P2RY8: variants seen among roughly 807,000 people sequenced by gnomAD.
P2RY8 encodes the protein P2Y receptor family member 8, also known as S-geranylgeranyl-glutathione receptor P2RY8.
Under a neutral mutation model 10.0 loss-of-function variants are expected in P2RY8, and 6 were observed. The observed-to-expected ratio is 0.60, with a 90% CI of 0.33 to 1.19. The LOEUF (loss-of-function observed/expected upper bound fraction) is 1.19. P2RY8 is among the 50% of genes most tolerant of loss of function. The pLI, the probability that P2RY8 is intolerant of heterozygous loss-of-function variation, is 0.04. For synonymous variants in P2RY8, 276 were observed against 252.5 expected, an observed-to-expected ratio of 1.09 and a Z score of -0.88; for missense variants, 456 against 542.0, an observed-to-expected ratio of 0.84 and a Z score of 1.58.
chrX:1,464,988 G>A lies in P2RY8; in HGVS notation c.*491C>T, dbSNP rs1262988091. The A allele has an allele frequency of 2.2e-4, 55 of 245,730 alleles. No homozygotes were observed. In the Admixed American group the frequency reaches 2.5e-3, roughly 11 times the overall value. 15.2% of individuals were successfully genotyped at this position (245,730 alleles called of 1,614,324 possible). The stretch of plus-strand genomic sequence containing the variant: ...GCCAGAACCACAACTAAGGGACGAT[G>A]TCAGCAGGGAGAAGAGCTGGGAATG... On this transcript the variant is annotated 3_prime_UTR_variant, in exon 2 of 2. Transcript: ENST00000381297.
intron 1 of P2RY8, among the ~76,000 whole-genome samples, chrX:1,478,941 A>C (rs1294109910): frequency 6.6e-6 from 1 of 151,992 alleles, no homozygotes; most frequent in Non-Finnish European, 1.5e-5. Context: ...AACTTATCCT[A>C]ATAAAACCGG....
chrX:1,482,765 C>A (rs1440216225), intron 1 of P2RY8, among the ~76,000 whole-genome samples: 1 of 151,990 alleles, frequency 6.6e-6, no homozygotes, highest in Non-Finnish European at 1.5e-5. Context: ...ATGCAGCCAT[C>A]AAAAATGATG....
chrX:1,466,099 C>G lies in P2RY8; in HGVS notation c.460G>C (p.Ala154Pro). ...CAGTWLLLLT[A>P]LSPLARTDLT... ...TCGGTGCGCGCCAGCGGGGACAGGG[C>G]GGTCAGGAGCAGCAGCCAGGTCCCT... Residue 154 changes from alanine to proline, a missense_variant, in exon 2 of 2, where the codon GCC becomes CCC. By Grantham distance (27) the Ala-to-Pro change is conservative. Coordinates refer to ENST00000381297, the MANE Select transcript of P2RY8 (RefSeq NM_178129.5). The G allele has an allele frequency of 6.2e-7, 1 of 1,611,570 alleles. No homozygotes were observed. Among genetic ancestry groups the G allele is most frequent in the Non-Finnish European group, 8.5e-7 (1 of 1,179,584 alleles).
chrX:1,525,393 C>T (rs1303335834), intron 1 of P2RY8, among the ~76,000 whole-genome samples: 9 of 152,138 alleles, frequency 5.9e-5, no homozygotes, highest in Non-Finnish European at 1.2e-4. Context: ...GACTGGGACG[C>T]AGACATGCAC....
At chrX:1,502,425 G>A (rs150180794) in intron 1 of P2RY8, among the ~76,000 whole-genome samples, 3,336 of 152,152 alleles carry the variant, frequency 0.022, 33 homozygotes, top group Middle Eastern at 0.048. Flanking sequence ...ACAGGACCCC[G>A]CTGCGAGCCA....
At chrX:1,504,040 G>A (rs1461984752) in intron 1 of P2RY8, among the ~76,000 whole-genome samples, 6 of 151,612 alleles carry the variant, frequency 4.0e-5, no homozygotes, top group African/African-American at 1.5e-4. Context: ...GAATTCTGCT[G>A]GACGTGGTGG....
At chrX:1,482,229 A>T (rs2091943079) in intron 1 of P2RY8, among the ~76,000 whole-genome samples, 1 of 146,982 alleles carries the variant, frequency 6.8e-6, no homozygotes. Context: ...AATCGGCCTC[A>T]CTCTGGAAGG....
intron 1 of P2RY8, among the ~76,000 whole-genome samples, chrX:1,492,144 TC>T (rs2092058775): frequency 6.6e-6 from 1 of 151,954 alleles, no homozygotes; most frequent in Non-Finnish European, 1.5e-5. Context: ...AGGGGTGTGG[TC>T]CAAGCCTTTC....
Position 1,464,922 on chromosome X carries a change from C to G in P2RY8, c.*557G>C. On this transcript the variant is annotated 3_prime_UTR_variant, in exon 2 of 2. Transcript: ENST00000381297. ...AATAAACAGAAATTTCGGCGTGCAC[C>G]GGGCTACGGAGACCAGAACCCCTGG... The G allele has an allele frequency of 4.3e-6, 1 of 234,852 alleles. No individual in the cohort carries two copies. 14.5% of individuals were successfully genotyped at this position (234,852 alleles called of 1,614,324 possible). A position where few individuals can be genotyped will look rare whatever the true frequency, so the allele number is the denominator to read the frequency against.
chrX:1,496,305 C>A (rs1458014716), intron 1 of P2RY8, among the ~76,000 whole-genome samples: 2 of 152,190 alleles, frequency 1.3e-5, no homozygotes, highest in East Asian at 3.9e-4. Flanking sequence ...CCCCCGCCAG[C>A]TTCTCAGTAG....
intron 1 of P2RY8, among the ~76,000 whole-genome samples, chrX:1,527,161 C>T (rs2092444789): frequency 6.6e-6 from 1 of 152,196 alleles, no homozygotes; most frequent in Non-Finnish European, 1.5e-5. Flanking sequence ...TCCCAAAGTG[C>T]TGGGATTACA....
chrX:1,523,922 C>A (rs1327692141), intron 1 of P2RY8, among the ~76,000 whole-genome samples: 1 of 152,166 alleles, frequency 6.6e-6, no homozygotes, highest in African/African-American at 2.4e-5. Flanking sequence ...AACTCCTGAC[C>A]TCAAGTGACC....
At chrX:1,523,625 C>T (rs28477201) in intron 1 of P2RY8, among the ~76,000 whole-genome samples, 6,179 of 152,150 alleles carry the variant, frequency 0.041, 175 homozygotes, top group Non-Finnish European at 0.064. Context: ...GATGATTGTA[C>T]AACACTCTGA....
At chrX:1,535,710 CACACAGACACACACACAG>C (rs1388333449) in intron 1 of P2RY8, among the ~76,000 whole-genome samples, 1 of 145,256 alleles carries the variant, frequency 6.9e-6, no homozygotes, top group Non-Finnish European at 1.5e-5. Flanking sequence ...CACACACACA[CACACAGACACACACACAG>C]ACACACACAC....
rs762651350 is a variant in P2RY8, at chrX:1,473,530, T to C, written c.-24-6948A>G. Among the ~76,000 whole-genome samples the C allele has an allele frequency of 3.8e-4, 13 of 34,402 alleles. 1 individual carries two copies. The South Asian group carries it at 0.022, about 57-fold the overall frequency. The allele number at this position is 34,402 out of a possible 152,430, so 22.6% of individuals were successfully genotyped here. On this transcript the variant is annotated intron_variant, in intron 1 of 1. Coordinates refer to ENST00000381297, the MANE Select transcript of P2RY8 (RefSeq NM_178129.5). The stretch of plus-strand genomic sequence containing the variant: ...ATGGATGGATGCATGGATGGGTGGA[T>C]GGATGGGTGGGTGGGTGGATGAATG...
intron 1 of P2RY8, among the ~76,000 whole-genome samples, chrX:1,532,139 C>T (rs1431860310): frequency 6.6e-6 from 1 of 152,012 alleles, no homozygotes; most frequent in African/African-American, 2.4e-5. Context: ...AAGATACTTG[C>T]ACAGGCATGT....
Position 1,522,634 on chromosome X carries a change from C to T in P2RY8, c.-25+14287G>A, listed in dbSNP as rs1488046316. 3.6e-4 allele frequency among the ~76,000 whole-genome samples: 54 copies of T among 152,048 alleles called. 1 individual carries two copies. Among genetic ancestry groups the T allele is most frequent in the South Asian group, 1.0e-3 (5 of 4,806 alleles). On this transcript the variant is annotated intron_variant, in intron 1 of 1. Coordinates refer to ENST00000381297, the MANE Select transcript of P2RY8 (RefSeq NM_178129.5). The stretch of plus-strand genomic sequence containing the variant: ...TAGCAAGACACTTTCATTAGCCGGG[C>T]GTGGTCAGTGCCTGTAATCCCAGCT...
chrX:1,500,121 G>C (rs1424205518), intron 1 of P2RY8, among the ~76,000 whole-genome samples: 2 of 151,052 alleles, frequency 1.3e-5, no homozygotes, highest in East Asian at 3.9e-4. Context: ...GCCTCCCAAA[G>C]TGCTGGGATG....
intron 1 of P2RY8, among the ~76,000 whole-genome samples, chrX:1,504,858 C>T (rs1173894480): frequency 1.4e-5 from 2 of 147,096 alleles, no homozygotes; most frequent in East Asian, 2.0e-4. Flanking sequence ...ATTGGCCAGG[C>T]GTGGTGGCTC....
Sources: allele counts gnomAD v4.1 joint callset (sites outside exome capture counted in the v4.1 genomes callset), GRCh38; gene constraint gnomAD v4.1.1; transcripts MANE v1.5; gene names NCBI Gene and HGNC (gene_info 2026-07-23, HGNC 2026-07-21).